CNTN5: variants seen among roughly 807,000 people sequenced by gnomAD.
CNTN5 encodes contactin 5.
CNTN5 carries 77 observed loss-of-function variants against 129.1 expected under a neutral mutation model. That is an observed-to-expected ratio of 0.60 (90% CI 0.50 to 0.72). CNTN5 has a LOEUF of 0.72. Ranked by LOEUF, CNTN5 falls within the 30% of genes least tolerant of loss-of-function variation. The pLI, the probability that CNTN5 is intolerant of heterozygous loss-of-function variation, is 0.00. For missense variants in CNTN5, 1,478 were observed against 1,328.8 expected (o/e 1.11, Z -1.75); for synonymous variants, 509 against 465.6 (o/e 1.09, Z -1.20).
At chr11:99,503,906 C>T (rs1359604480) in intron 2 of CNTN5, among the ~76,000 whole-genome samples, 2 of 151,976 alleles carry the variant, frequency 1.3e-5, no homozygotes, top group Non-Finnish European at 2.9e-5. Flanking sequence ...GTTAAATTAG[C>T]AAGATACATC....
intron 2 of CNTN5, among the ~76,000 whole-genome samples, chr11:99,500,762 A>G (rs1325902698): frequency 6.6e-6 from 1 of 152,132 alleles, no homozygotes; most frequent in Non-Finnish European, 1.5e-5. Flanking sequence ...GTGTATTCCT[A>G]TTTGCAGATG....
At chr11:99,288,321 A>G (rs1267096125) in intron 1 of CNTN5, among the ~76,000 whole-genome samples, 1 of 151,932 alleles carries the variant, frequency 6.6e-6, no homozygotes, top group African/African-American at 2.4e-5. Flanking sequence ...CTCTGTGAGC[A>G]TGTCTGCAAG....
intron 6 of CNTN5, among the ~76,000 whole-genome samples, chr11:99,900,215 A>G (rs1949318790): frequency 7.0e-6 from 1 of 142,858 alleles, no homozygotes; most frequent in African/African-American, 2.6e-5. Context: ...AACCTCATTT[A>G]GTTCTGCTGT....
intron 2 of CNTN5, among the ~76,000 whole-genome samples, chr11:99,429,814 T>A (rs1338402862): frequency 6.6e-6 from 1 of 152,096 alleles, no homozygotes; most frequent in African/African-American, 2.4e-5. Context: ...CTGTACCCTT[T>A]CTTATTTTAA....
intron 2 of CNTN5, among the ~76,000 whole-genome samples, chr11:99,432,798 A>G (rs1943441974): frequency 6.6e-6 from 1 of 151,912 alleles, no homozygotes; most frequent in South Asian, 2.1e-4. Flanking sequence ...CCATGATGCT[A>G]TATATATGGA....
At chr11:99,302,032 G>A (rs1471853920) in intron 1 of CNTN5, among the ~76,000 whole-genome samples, 2 of 151,232 alleles carry the variant, frequency 1.3e-5, no homozygotes, top group East Asian at 1.9e-4. Context: ...TTGAAATGAG[G>A]GAAAAGAAAA....
At chr11:100,050,652 G>GA (rs938296754) in intron 9 of CNTN5, among the ~76,000 whole-genome samples, 36 of 150,342 alleles carry the variant, frequency 2.4e-4, no homozygotes, top group African/African-American at 7.8e-4. Flanking sequence ...AAAGAAATGA[G>GA]AAAAAAAAGA....
intron 2 of CNTN5, among the ~76,000 whole-genome samples, chr11:99,385,049 G>C (rs1348560253): frequency 3.3e-5 from 5 of 152,096 alleles, no homozygotes; most frequent in Admixed American, 2.0e-4. Context: ...TTGTTTGTTT[G>C]TTTTTGTAAA....
intron 13 of CNTN5, among the ~76,000 whole-genome samples, chr11:100,141,050 C>A (rs1021830916): frequency 2.0e-5 from 3 of 151,970 alleles, no homozygotes; most frequent in African/African-American, 7.3e-5. Context: ...TCCATTGGAA[C>A]AAAATGGTCG....
intron 3 of CNTN5, among the ~76,000 whole-genome samples, chr11:99,784,762 C>T (rs1945450958): frequency 1.3e-5 from 2 of 149,826 alleles, no homozygotes; most frequent in South Asian, 2.1e-4. Flanking sequence ...TAATGATTGC[C>T]ATTCTAACTG....
intron 2 of CNTN5, among the ~76,000 whole-genome samples, chr11:99,380,092 TGTGTGTGTGTGTGTATG>T (rs1211828453): frequency 5.9e-5 from 9 of 151,484 alleles, no homozygotes; most frequent in Admixed American, 3.3e-4. Context: ...TGTGTGTGTG[TGTGTGTGTGTGTGTATG>T]GTGTGTGTGT....
chr11:99,023,059 T>C (rs1257780355), intron 1 of CNTN5, among the ~76,000 whole-genome samples: 1 of 152,184 alleles, frequency 6.6e-6, no homozygotes, highest in African/African-American at 2.4e-5. Flanking sequence ...TGGAAATACA[T>C]CCAAAAAGCT....
At chr11:99,519,410 T>A (rs1366252468) in intron 2 of CNTN5, among the ~76,000 whole-genome samples, 1 of 152,100 alleles carries the variant, frequency 6.6e-6, no homozygotes, top group Non-Finnish European at 1.5e-5. Context: ...TTAATTAATG[T>A]CTCTACACTA....
chr11:99,608,013 G>T (rs1950478382), intron 3 of CNTN5, among the ~76,000 whole-genome samples: 1 of 141,220 alleles, frequency 7.1e-6, no homozygotes, highest in Non-Finnish European at 1.5e-5. Flanking sequence ...TGACACATTA[G>T]TGGGTGCAGC....
At chr11:100,055,028 T>TTAAAA (rs1565833367) in intron 9 of CNTN5, among the ~76,000 whole-genome samples, 2 of 91,692 alleles carry the variant, frequency 2.2e-5, no homozygotes, top group Non-Finnish European at 2.2e-5. Flanking sequence ...AGCCGTAGCC[T>TTAAAA]AAAAAAAAAA....
intron 2 of CNTN5, among the ~76,000 whole-genome samples, chr11:99,505,226 T>G (rs1946573490): frequency 6.6e-6 from 1 of 152,172 alleles, no homozygotes; most frequent in Non-Finnish European, 1.5e-5. Flanking sequence ...TTTATTGCTT[T>G]TATATGGTAT....
intron 1 of CNTN5, among the ~76,000 whole-genome samples, chr11:99,188,388 GT>G (rs1858461436): frequency 6.6e-6 from 1 of 151,712 alleles, no homozygotes; most frequent in Admixed American, 6.6e-5. Flanking sequence ...CACCATCTGT[GT>G]ACGAGAATGT....
At chr11:99,915,905 G>A (rs2136011831) in intron 6 of CNTN5, 149 bp from the exon 7 acceptor site, 2 of 597,608 alleles carry the variant, frequency 3.3e-6, no homozygotes, top group East Asian at 2.8e-5. Context: ...ATTAGATGAT[G>A]TAGATATATG....
intron 1 of CNTN5, among the ~76,000 whole-genome samples, chr11:99,309,004 T>C (rs1304074240): frequency 6.6e-6 from 1 of 152,170 alleles, no homozygotes; most frequent in Non-Finnish European, 1.5e-5. Flanking sequence ...GTATATATTG[T>C]ATTCTCTGTA....
Sources: allele counts gnomAD v4.1 joint callset (sites outside exome capture counted in the v4.1 genomes callset), GRCh38; gene constraint gnomAD v4.1.1; transcripts MANE v1.5; gene names NCBI Gene and HGNC (gene_info 2026-07-23, HGNC 2026-07-21).